Variants in MYLK observed in about 807,000 individuals in gnomAD.
MYLK encodes the protein myosin light chain kinase.
In MYLK, 106 loss-of-function variants were observed where a neutral mutation model predicts 203.4. The observed-to-expected ratio is 0.52, with a 90% CI of 0.45 to 0.61. The LOEUF (loss-of-function observed/expected upper bound fraction) is 0.61. MYLK is among the 20% of genes least tolerant of loss of function. MYLK has a pLI of 0.00. For missense variants in MYLK, 2,072 were observed against 2,442.3 expected, an observed-to-expected ratio of 0.85 and a Z score of 3.20; for synonymous variants, 867 against 959.5, an observed-to-expected ratio of 0.90 and a Z score of 1.78.
At chr3:123,794,179 C>T (rs2064899940) in intron 3 of MYLK, among the ~76,000 whole-genome samples, 1 of 152,192 alleles carries the variant, frequency 6.6e-6, no homozygotes, top group African/African-American at 2.4e-5. Flanking sequence ...AGAAATAGTT[C>T]TTATAATAGA....
At chr3:123,692,369 A>C in intron 19 of MYLK, 2 of 1,175,446 alleles carry the variant, frequency 1.7e-6, no homozygotes, top group South Asian at 3.4e-5. Flanking sequence ...CAGCTCGGAC[A>C]CTTGTTTGTT....
In MYLK at chr3:123,614,129, C is replaced by CCCTTCA. The variant is rs748231768; in HGVS notation, c.5715_5720dup (p.Gly1909_Glu1910dup). ...TTCACTCTTCTTCCTCTTCCCCTTC[C>CCCTTCA]CCTTCACCTTCCTCCATCGTTTCCA... On this transcript the variant is annotated inframe_insertion, in exon 34 of 34. Transcript: ENST00000360304. 6.2e-7 allele frequency: 1 copy of CCCTTCA among 1,613,766 alleles called. No homozygotes were observed. Among genetic ancestry groups the CCCTTCA allele is most frequent in the African/African-American group, 1.3e-5 (1 of 74,806 alleles).
chr3:123,623,013 G>C (rs541072368), intron 31 of MYLK: 1 of 152,374 alleles, frequency 6.6e-6, no homozygotes, highest in South Asian at 2.1e-4. Context: ...GCCCCTTGGA[G>C]AGCTTGTGGG....
intron 11 of MYLK, among the ~76,000 whole-genome samples, chr3:123,731,987 TGTC>T (rs1351976624): frequency 1.9e-5 from 1 of 54,030 alleles, no homozygotes; most frequent in Non-Finnish European, 3.7e-5. Flanking sequence ...TTCTATAGGT[TGTC>T]TTTTTTTTTT....
intron 2 of MYLK, among the ~76,000 whole-genome samples, chr3:123,853,555 A>T (rs772370267): frequency 6.6e-6 from 1 of 152,102 alleles, no homozygotes; most frequent in Non-Finnish European, 1.5e-5. Flanking sequence ...TTTTGAAGAG[A>T]AATGTCTATT....
In MYLK at chr3:123,666,995, A is replaced by G. The variant is rs148039239; in HGVS notation, c.3703+142T>C. The G allele has an allele frequency of 1.2e-5, 9 of 731,340 alleles. No homozygotes were observed. In the African/African-American group the frequency reaches 1.6e-4, roughly 13 times the overall value. 45.3% of individuals were successfully genotyped at this position (731,340 alleles called of 1,614,324 possible). A position where few individuals can be genotyped will look rare whatever the true frequency, so the allele number is the denominator to read the frequency against. ...TGAGCAAACTCAGCCTGAAAAATGC[A>G]GAGCTGGAACTGAGGGTGGGGGTGG... On this transcript the variant is annotated intron_variant, in intron 21 of 33. Transcript: ENST00000360304.
chr3:123,635,774 A>G (rs1452559056), intron 29 of MYLK, among the ~76,000 whole-genome samples: 1 of 152,228 alleles, frequency 6.6e-6, no homozygotes, highest in Non-Finnish European at 1.5e-5. Flanking sequence ...ACAGAAATGT[A>G]CAAATATATT....
chr3:123,630,322 C>T (rs2058358592), intron 29 of MYLK, among the ~76,000 whole-genome samples: 1 of 152,184 alleles, frequency 6.6e-6, no homozygotes, highest in Non-Finnish European at 1.5e-5. Context: ...GAGAAGCTGC[C>T]ATTTAACTAT....
chr3:123,672,761 T>C (rs551826217), intron 20 of MYLK, among the ~76,000 whole-genome samples: 1 of 152,384 alleles, frequency 6.6e-6, no homozygotes, highest in Admixed American at 6.5e-5. Context: ...GCTTGGTTCC[T>C]ATCAGTAAAA....
intron 6 of MYLK, among the ~76,000 whole-genome samples, chr3:123,739,450 G>A (rs1182226321): frequency 6.6e-6 from 1 of 152,216 alleles, no homozygotes; most frequent in Admixed American, 6.5e-5. Flanking sequence ...CTGGTGAGAT[G>A]CAGAAGGCCC....
At chr3:123,824,784 G>T (rs2066056400) in intron 3 of MYLK, among the ~76,000 whole-genome samples, 1 of 151,872 alleles carries the variant, frequency 6.6e-6, no homozygotes. Flanking sequence ...AATATAATTT[G>T]ATATATATAT....
intron 5 of MYLK, among the ~76,000 whole-genome samples, chr3:123,743,994 T>C (rs1203725902): frequency 1.3e-5 from 2 of 152,232 alleles, no homozygotes; most frequent in Admixed American, 6.5e-5. Context: ...ACCCTACTTG[T>C]AGCCAACTTC....
At chr3:123,872,421 T>A in intron 2 of MYLK, among the ~76,000 whole-genome samples, 1 of 152,164 alleles carries the variant, frequency 6.6e-6, no homozygotes, top group East Asian at 1.9e-4. Context: ...TTGAGTTAGA[T>A]CTAACCTTAG....
At chr3:123,746,425 C>T (rs544618238) in intron 5 of MYLK, among the ~76,000 whole-genome samples, 4 of 151,812 alleles carry the variant, frequency 2.6e-5, no homozygotes, top group East Asian at 1.9e-4. Context: ...TGGAGGAATA[C>T]GAGATGGAAA....
intron 16 of MYLK, 106 bp from the exon 17 acceptor site, chr3:123,701,615 C>T: frequency 1.2e-5 from 14 of 1,165,100 alleles, no homozygotes; most frequent in East Asian, 2.4e-5. Flanking sequence ...AGATGGAAGT[C>T]GCCGGCTTGA....
At chr3:123,872,181 C>G (rs1232278018) in intron 2 of MYLK, among the ~76,000 whole-genome samples, 3 of 152,108 alleles carry the variant, frequency 2.0e-5, no homozygotes, top group Non-Finnish European at 4.4e-5. Flanking sequence ...AATGGCAGAG[C>G]TGAATCACTG....
intron 20 of MYLK, among the ~76,000 whole-genome samples, chr3:123,675,217 G>A (rs1428060540): frequency 6.6e-6 from 1 of 152,230 alleles, no homozygotes; most frequent in Non-Finnish European, 1.5e-5. Flanking sequence ...CTAGATAGGA[G>A]ATTGATATTA....
rs1304952975 is a variant in MYLK, at chr3:123,640,196, A to G, written c.4837+91T>C. The G allele has an allele frequency of 8.0e-7, 1 of 1,244,944 alleles. No individual in the cohort carries two copies. Among genetic ancestry groups the G allele is most frequent in the Non-Finnish European group, 1.2e-6 (1 of 849,190 alleles). 77.1% of individuals were successfully genotyped at this position (1,244,944 alleles called of 1,614,324 possible). ...TCTTCATGGTCTCGGATTTAACCCC[A>G]ATACTGTATGTTTCCTCTCACACTC... On this transcript the variant is annotated intron_variant, in intron 28 of 33. Coordinates refer to ENST00000360304, the MANE Select transcript of MYLK (RefSeq NM_053025.4). The surrounding 1 kb of genome is among the most constrained non-coding windows in gnomAD (Gnocchi z 4.3).
chr3:123,756,178 T>C (rs1298859588), intron 4 of MYLK, among the ~76,000 whole-genome samples: 1 of 152,224 alleles, frequency 6.6e-6, no homozygotes, highest in Admixed American at 6.5e-5. Context: ...CGTAAATTCA[T>C]GTTTTTGGTG....
Sources: gnomAD v4.1 joint callset for allele counts (sites outside exome capture counted in the v4.1 genomes callset) on GRCh38, gnomAD v4.1.1 for gene constraint, Gnocchi (gnomAD v3.1) non-coding constraint, MANE v1.5 for transcripts, NCBI Gene and HGNC (gene_info 2026-07-23, HGNC 2026-07-21) for gene names.